The following SPON2 variants were observed in gnomAD, a reference collection of about 807,000 sequenced individuals.
SPON2 encodes spondin 2.
Under a neutral mutation model 29.9 loss-of-function variants are expected in SPON2, and 32 were observed. The observed-to-expected ratio is 1.07, with a 90% CI of 0.81 to 1.44. SPON2 has a LOEUF of 1.44. SPON2 is among the 40% of genes most tolerant of loss of function. The pLI is 0.00. For missense variants in SPON2, 541 were observed against 455.5 expected (o/e 1.19, Z -1.71); for synonymous variants, 248 against 209.1 (o/e 1.19, Z -1.61).
upstream of SPON2, among the ~76,000 whole-genome samples, chr4:1,176,276 T>C (rs1050977089): frequency 2.0e-5 from 3 of 152,084 alleles, no homozygotes; most frequent in Non-Finnish European, 2.9e-5. Flanking sequence ...TAAGTATCCA[T>C]AGGTGTAACT....
In SPON2 at chr4:1,170,544, GT is replaced by G; in HGVS notation, c.668del (p.Asn223ThrfsTer8). The G allele has an allele frequency of 1.2e-6, 2 of 1,613,856 alleles. No individual in the cohort carries two copies. Among genetic ancestry groups the G allele is most frequent in the Non-Finnish European group, 1.7e-6 (2 of 1,179,842 alleles). On this transcript the variant is annotated frameshift_variant, in exon 5 of 6. Transcript: ENST00000290902. LOFTEE classifies it high-confidence loss of function. ...ITSSSPSHPA[N>X]SFYYPRLKAL... ...CCTTCAGCCGCGGGTAGTAGAAGGA[GT>G]TGGCCGGGTGGCTGGGAGAGGAGGA... is the stretch of plus-strand genomic sequence containing the variant.
upstream of SPON2, among the ~76,000 whole-genome samples, chr4:1,198,788 G>A (rs1378246292): frequency 6.6e-6 from 1 of 152,088 alleles, no homozygotes; most frequent in Non-Finnish European, 1.5e-5. Flanking sequence ...CTCACCGACA[G>A]GTACTGAAAA....
intron 1 of SPON2, among the ~76,000 whole-genome samples, chr4:1,186,595 C>A (rs990981004): frequency 2.0e-5 from 3 of 152,154 alleles, no homozygotes; most frequent in African/African-American, 7.2e-5. Flanking sequence ...TGAGCCACTG[C>A]ACCCAGCTGA....
upstream of SPON2, chr4:1,199,557 G>T (rs1728145672): frequency 6.6e-6 from 1 of 152,220 alleles, no homozygotes; most frequent in South Asian, 2.1e-4. The surrounding 1 kb of genome is among the most constrained non-coding windows in gnomAD (Gnocchi z 4.5). Flanking sequence ...TGAGTAGTTG[G>T]GGGTGAAGGT....
intron 1 of SPON2, among the ~76,000 whole-genome samples, chr4:1,182,430 G>A (rs1356679959): frequency 1.3e-5 from 2 of 152,128 alleles, no homozygotes; most frequent in South Asian, 2.1e-4. Flanking sequence ...TTCTGAAGGT[G>A]AAAAGTATAA....
At position 1,202,057 on chromosome 4, in the gene SPON2, C is replaced by G. The variant is rs1326649542; in HGVS notation, c.-234+5823G>C. Among the ~76,000 whole-genome samples, 1 of 152,342 alleles carries G rather than the reference C, an allele frequency of 6.6e-6. No homozygotes were observed. The highest frequency in any genetic ancestry group is 1.9e-4 in the East Asian group (1 of 5,190). On this transcript the variant is annotated intron_variant, in intron 1 of 3. Transcript: ENST00000509233. The surrounding 1 kb of genome is among the most constrained non-coding windows in gnomAD (Gnocchi z 5.4). ...TCCCCACTCATCTCACTCCGGAACACGTTCATCATCCGCAGAAGACGTCCT... is the reference window on the plus strand; with the variant it reads ...TCCCCACTCATCTCACTCCGGAACAGGTTCATCATCCGCAGAAGACGTCCT...
chr4:1,186,805 C>A (rs1032184574), intron 1 of SPON2, among the ~76,000 whole-genome samples: 2 of 152,176 alleles, frequency 1.3e-5, no homozygotes, highest in Non-Finnish European at 2.9e-5. Context: ...TGAGGAAATG[C>A]AAATTAAAAC....
intron 1 of SPON2, among the ~76,000 whole-genome samples, chr4:1,193,964 C>A (rs1727977937): frequency 6.6e-6 from 1 of 151,362 alleles, no homozygotes; most frequent in Admixed American, 6.6e-5. Flanking sequence ...GTGGCGTGGG[C>A]CCTGCTCCCT....
chr4:1,198,167 A>C (rs56187388), upstream of SPON2, among the ~76,000 whole-genome samples: 3,111 of 152,324 alleles, frequency 0.02, 108 homozygotes, highest in African/African-American at 0.071. Flanking sequence ...AAGAGGCTGG[A>C]GGAATGATGA....
chr4:1,173,877 T>A (rs1727535716), upstream of SPON2, among the ~76,000 whole-genome samples: 1 of 152,212 alleles, frequency 6.6e-6, no homozygotes. Flanking sequence ...TTCTCAAATG[T>A]TTTTATCTGA....
chr4:1,194,993 A>ACAGCCGGCGTCTCCAACCCCG (rs1728022051), exon 1 of SPON2: 3 of 115,802 alleles, frequency 2.6e-5, no homozygotes, highest in Admixed American at 8.4e-5. Flanking sequence ...GCCTCACCTC[A>ACAGCCGGCGTCTCCAACCCCG]CAGCCGGCGG....
Position 1,171,202 on chromosome 4 carries a change from GCGGCTCAGCGCGCCTGGCCC to G in SPON2, c.445-32_445-13del. ...ACCACAAACGAGACCTGCGGCGACA[GCGGCTCAGCGCGCCTGGCCC>G]CGGCCCCCCGGACCCCGCCCCCGGC... On this transcript the variant is annotated splice_polypyrimidine_tract_variant and intron_variant, in intron 3 of 5. Transcript: ENST00000290902. 14 of 1,480,700 alleles carry G rather than the reference GCGGCTCAGCGCGCCTGGCCC, an allele frequency of 9.5e-6. No individual in the cohort carries two copies. The highest frequency in any genetic ancestry group is 1.2e-5 in the Non-Finnish European group (13 of 1,124,334). 91.7% of individuals were successfully genotyped at this position (1,480,700 alleles called of 1,614,324 possible).
At chr4:1,182,986 G>A (rs990072782) in intron 1 of SPON2, among the ~76,000 whole-genome samples, 1 of 152,042 alleles carries the variant, frequency 6.6e-6, no homozygotes, top group African/African-American at 2.4e-5. Context: ...AAAAGTGAGA[G>A]AGGGCTGGGT....
chr4:1,188,456 A>G (rs1311931014), intron 1 of SPON2, among the ~76,000 whole-genome samples: 1 of 152,234 alleles, frequency 6.6e-6, no homozygotes, highest in Non-Finnish European at 1.5e-5. Context: ...ACCATGATTC[A>G]ACGCACATTC....
chr4:1,175,272 G>A (rs762553749), upstream of SPON2, among the ~76,000 whole-genome samples: 4 of 152,344 alleles, frequency 2.6e-5, no homozygotes, highest in Non-Finnish European at 4.4e-5. Context: ...CCAGGGTGCC[G>A]CTCCAGAGAC....
intron 1 of SPON2, among the ~76,000 whole-genome samples, chr4:1,188,048 C>CAA (rs59908237): frequency 7.4e-6 from 1 of 135,028 alleles, no homozygotes; most frequent in Non-Finnish European, 1.6e-5. Context: ...CTAAAAAATA[C>CAA]AAAAAAAAAA....
At chr4:1,167,873 T>C (rs979959196) in intron 5 of SPON2, 2 of 469,952 alleles carry the variant, frequency 4.3e-6, no homozygotes, top group African/African-American at 4.0e-5. Context: ...TGCGCGTTTC[T>C]ACGTAAGAGC....
chr4:1,186,426 C>T (rs1727808370), intron 1 of SPON2, among the ~76,000 whole-genome samples: 1 of 151,956 alleles, frequency 6.6e-6, no homozygotes, highest in Non-Finnish European at 1.5e-5. Context: ...GTCTCAACCT[C>T]CCAAGTAGCT....
upstream of SPON2, among the ~76,000 whole-genome samples, chr4:1,176,839 G>GTTCATTCACACATTTCATTCA (rs1727611432): frequency 6.8e-6 from 1 of 147,632 alleles, no homozygotes; most frequent in African/African-American, 2.6e-5. Flanking sequence ...CATTCACACA[G>GTTCATTCACACATTTCATTCA]TTCATTCACA....
Sources: gnomAD v4.1 joint callset for allele counts (sites outside exome capture counted in the v4.1 genomes callset) on GRCh38, gnomAD v4.1.1 for gene constraint, Gnocchi (gnomAD v3.1) non-coding constraint, MANE v1.5 for transcripts, NCBI Gene and HGNC (gene_info 2026-07-23, HGNC 2026-07-21) for gene names.